The following CDH18 variants were observed in gnomAD, a reference collection of about 807,000 sequenced individuals.
CDH18 encodes the protein cadherin 18.
CDH18 carries 31 observed loss-of-function variants against 67.9 expected under a neutral mutation model. The observed-to-expected ratio is 0.46, with a 90% CI of 0.34 to 0.62. CDH18 has a LOEUF of 0.62. Among genes scored for constraint, CDH18 ranks in the 20% least tolerant of loss-of-function variants. CDH18 has a pLI of 0.01. For synonymous variants in CDH18, 362 were observed against 347.2 expected, an observed-to-expected ratio of 1.04 and a Z score of -0.48; for missense variants, 890 against 975.5, an observed-to-expected ratio of 0.91 and a Z score of 1.17.
chr5:20,079,635 G>A (rs115722678), intron 2 of CDH18, among the ~76,000 whole-genome samples: 1,720 of 152,040 alleles, frequency 0.011, 36 homozygotes, highest in African/African-American at 0.039. Flanking sequence ...AACTTCATAC[G>A]GTACTAATTT....
intron 10 of CDH18, among the ~76,000 whole-genome samples, chr5:19,512,734 C>T (rs1362175683): frequency 6.6e-6 from 1 of 152,110 alleles, no homozygotes; most frequent in Non-Finnish European, 1.5e-5. Context: ...GCTTTGGATT[C>T]TCCTGATTAG....
chr5:20,195,877 TG>T (rs1321250352), intron 2 of CDH18, among the ~76,000 whole-genome samples: 1 of 152,104 alleles, frequency 6.6e-6, no homozygotes, highest in Non-Finnish European at 1.5e-5. Context: ...TAATGGAAAG[TG>T]TGTAGATTTC....
intron 4 of CDH18, among the ~76,000 whole-genome samples, chr5:19,722,766 C>G (rs1766275611): frequency 6.6e-6 from 1 of 151,708 alleles, no homozygotes; most frequent in African/African-American, 2.4e-5. Context: ...AAAATTCTAC[C>G]TACTAATTTG....
At chr5:19,615,156 A>G (rs1205793171) in intron 5 of CDH18, among the ~76,000 whole-genome samples, 1 of 151,870 alleles carries the variant, frequency 6.6e-6, no homozygotes, top group African/African-American at 2.4e-5. Flanking sequence ...AAAAAAGAAA[A>G]AAAAAAAAAA....
chr5:20,481,198 T>G (rs1752780256), intron 1 of CDH18, among the ~76,000 whole-genome samples: 1 of 148,566 alleles, frequency 6.7e-6, no homozygotes, highest in African/African-American at 2.6e-5. Context: ...TTCAGACAAC[T>G]TTTTAAGCCA....
At chr5:19,574,286 T>C (rs949062006) in intron 7 of CDH18, among the ~76,000 whole-genome samples, 22 of 152,134 alleles carry the variant, frequency 1.4e-4, no homozygotes, top group African/African-American at 5.1e-4. Context: ...TTGACGATCA[T>C]CTAATATATA....
At chr5:19,520,625 T>A (rs771631252) in intron 10 of CDH18, 32 bp downstream of exon 10, 63 of 1,586,320 alleles carry the variant, frequency 4.0e-5, no homozygotes, top group Non-Finnish European at 5.1e-5. Context: ...TTTATTCCAT[T>A]CAAATGAGGA....
At chr5:20,397,620 A>G (rs1429253045) in intron 1 of CDH18, among the ~76,000 whole-genome samples, 1 of 152,148 alleles carries the variant, frequency 6.6e-6, no homozygotes, top group Non-Finnish European at 1.5e-5. Context: ...TTTTTAGACT[A>G]CCGCTGTCAG....
chr5:19,788,938 G>T (rs2149806920), intron 3 of CDH18, among the ~76,000 whole-genome samples: 2 of 152,262 alleles, frequency 1.3e-5, no homozygotes, highest in South Asian at 4.1e-4. Flanking sequence ...GTTAGCGATA[G>T]GGGATTGTTT....
At chr5:19,613,540 T>C (rs1236483549) in intron 5 of CDH18, among the ~76,000 whole-genome samples, 1 of 152,180 alleles carries the variant, frequency 6.6e-6, no homozygotes, top group African/African-American at 2.4e-5. Context: ...AAAATCACAT[T>C]TTTTATCTTA....
chr5:19,834,562 C>T (rs1228239940), intron 3 of CDH18, among the ~76,000 whole-genome samples: 1 of 151,998 alleles, frequency 6.6e-6, no homozygotes, highest in Non-Finnish European at 1.5e-5. Context: ...TTGTCTTCTG[C>T]TAGCTTCTGG....
intron 2 of CDH18, among the ~76,000 whole-genome samples, chr5:20,035,486 G>A (rs1262945924): frequency 6.6e-6 from 1 of 151,980 alleles, no homozygotes; most frequent in African/African-American, 2.4e-5. Context: ...GCCTCAAGAG[G>A]CTTACAATCA....
chr5:19,729,471 T>C (rs1236127952), intron 4 of CDH18, among the ~76,000 whole-genome samples: 1 of 152,236 alleles, frequency 6.6e-6, no homozygotes, highest in Non-Finnish European at 1.5e-5. Context: ...AGTCAAGATC[T>C]GCTGAATCTT....
intron 2 of CDH18, among the ~76,000 whole-genome samples, chr5:19,873,027 G>T (rs1786499563): frequency 6.6e-6 from 1 of 152,056 alleles, no homozygotes; most frequent in African/African-American, 2.4e-5. Flanking sequence ...AGGGGAATCT[G>T]GTCTGGGACT....
chr5:19,674,285 A>T (rs1759161123), intron 5 of CDH18, among the ~76,000 whole-genome samples: 1 of 152,098 alleles, frequency 6.6e-6, no homozygotes. Flanking sequence ...GGATTCAATA[A>T]AAAATTTGCA....
intron 3 of CDH18, among the ~76,000 whole-genome samples, chr5:19,771,120 G>T (rs1179875438): frequency 6.6e-6 from 1 of 152,144 alleles, no homozygotes; most frequent in African/African-American, 2.4e-5. Context: ...GAATCACTGA[G>T]GTGTCAGAGG....
intron 8 of CDH18, among the ~76,000 whole-genome samples, chr5:19,549,673 A>G (rs2127129392): frequency 7.2e-6 from 1 of 138,970 alleles, no homozygotes; most frequent in African/African-American, 2.6e-5. Context: ...GGAGGGAGGG[A>G]GGGAAAGAAG....
intron 1 of CDH18, among the ~76,000 whole-genome samples, chr5:20,322,402 T>G (rs1281475948): frequency 6.6e-6 from 1 of 152,134 alleles, no homozygotes; most frequent in African/African-American, 2.4e-5. Context: ...GTATATAATT[T>G]AATTAAAACA....
intron 1 of CDH18, among the ~76,000 whole-genome samples, chr5:20,283,530 G>GA (rs35902511): frequency 2.8e-4 from 42 of 149,648 alleles, no homozygotes; most frequent in Non-Finnish European, 4.0e-4. Flanking sequence ...CAGAGAAATG[G>GA]AAAAAAAAAA....
Sources: gnomAD v4.1 joint callset for allele counts (sites outside exome capture counted in the v4.1 genomes callset) on GRCh38, gnomAD v4.1.1 for gene constraint, MANE v1.5 for transcripts, NCBI Gene and HGNC (gene_info 2026-07-23, HGNC 2026-07-21) for gene names.